The following NPTX1 variants were observed in gnomAD, a reference collection of about 807,000 sequenced individuals.
The protein encoded by NPTX1 is neuronal pentraxin-1.
A neutral mutation model predicts 38.7 loss-of-function variants in NPTX1; 12 were observed. The ratio of observed to expected loss-of-function variants is 0.31; its 90% CI spans 0.20 to 0.50. NPTX1 has a LOEUF of 0.50. NPTX1 is among the 20% of genes least tolerant of loss of function. The probability of loss-of-function intolerance (pLI) is 0.98; values close to 1 mark genes in which losing one functional copy is unlikely to be tolerated. For missense variants in NPTX1, 454 were observed against 592.2 expected (o/e 0.77, Z 2.42); for synonymous variants, 272 against 264.9 (o/e 1.03, Z -0.26).
rs2083884566 is a variant in NPTX1, at chr17:80,476,529, C to T, written c.-83G>A. ...CTGGGACCCGGCTCGGGCTGTGGCT[C>T]CGCGAGCGGCCCGCGCTCTGGGCGC... On this transcript the variant is annotated 5_prime_UTR_variant, in exon 1 of 5. Transcript: ENST00000306773. The surrounding 1 kb of genome is among the most constrained non-coding windows in gnomAD (Gnocchi z 6.3). The T allele has an allele frequency of 1.3e-6, 1 of 780,266 alleles. No homozygotes were observed. Among genetic ancestry groups the T allele is most frequent in the African/African-American group, 1.9e-5 (1 of 53,282 alleles). The allele number at this position is 780,266 out of a possible 1,614,324, so 48.3% of individuals were successfully genotyped here.
In NPTX1 at chr17:80,466,955, G is replaced by C. The variant is rs1227983419; in HGVS notation, c.*3858C>G. On this transcript the variant is annotated 3_prime_UTR_variant, in exon 5 of 5. Transcript: ENST00000306773. ...GAAATAGTGCATTTCCAGAATTGCT[G>C]ATGGGAGGTGGCAGGTCCCATGGTT... 6.6e-6 allele frequency among the ~76,000 whole-genome samples: 1 copy of C among 150,790 alleles called. No homozygotes were observed. The highest frequency in any genetic ancestry group is 1.5e-5 in the Non-Finnish European group (1 of 67,868).
At position 80,467,960 on chromosome 17, in the gene NPTX1, G is replaced by A. The variant is rs1249973618; in HGVS notation, c.*2853C>T. ...TTCTGTCAACAGCTCTCCCACCCCG[G>A]ACACCCAGGGAGCTGTCGGACACCA... On this transcript the variant is annotated 3_prime_UTR_variant, in exon 5 of 5. Coordinates refer to ENST00000306773, the MANE Select transcript of NPTX1 (RefSeq NM_002522.4). The A allele has an allele frequency of 1.3e-5, 2 of 152,612 alleles. No individual in the cohort carries two copies. The highest frequency in any genetic ancestry group is 2.4e-5 in the African/African-American group (1 of 41,454). The allele number at this position is 152,612 out of a possible 1,614,324, so 9.5% of individuals were successfully genotyped here. A position where few individuals can be genotyped will look rare whatever the true frequency, so the allele number is the denominator to read the frequency against.
Position 80,476,132 on chromosome 17 carries a change from G to A in NPTX1, c.315C>T (p.Gly105=), listed in dbSNP as rs752963609. The A allele has an allele frequency of 3.8e-6, 6 of 1,596,764 alleles. No individual in the cohort carries two copies. In the South Asian group the frequency reaches 5.5e-5, roughly 15 times the overall value. The change falls in exon 1 of 5, where the codon GGC becomes GGT. Residue 105 remains glycine (G), a synonymous_variant. Coordinates refer to ENST00000306773, the MANE Select transcript of NPTX1 (RefSeq NM_002522.4). This position sits in a 1 kb window ranked among gnomAD's most constrained non-coding sequence, Gnocchi z 6.3. The part of the protein sequence containing the change: ...LDPGAGEARA[G]GGRKQPGSGK... The stretch of plus-strand genomic sequence containing the variant: ...CCGAGCCGGGCTGCTTGCGGCCGCC[G>A]CCCGCCCGGGCCTCGCCGGCTCCGG...
rs2083835822 is a variant in NPTX1, at chr17:80,470,693, G to C, written c.*120C>G. 1.4e-6 allele frequency: 1 copy of C among 695,208 alleles called. No individual in the cohort carries two copies. Among genetic ancestry groups the C allele is most frequent in the Non-Finnish European group, 2.4e-6 (1 of 414,810 alleles). 43.1% of individuals were successfully genotyped at this position (695,208 alleles called of 1,614,324 possible). On this transcript the variant is annotated 3_prime_UTR_variant, in exon 5 of 5. Coordinates refer to ENST00000306773, the MANE Select transcript of NPTX1 (RefSeq NM_002522.4). ...AAAACCAGGCTGTGTGCGTGTGCGTGTGCAGGGGCGACGGCCTCGGTTCAT... is the reference window on the plus strand; with the variant it reads ...AAAACCAGGCTGTGTGCGTGTGCGTCTGCAGGGGCGACGGCCTCGGTTCAT...
Position 80,473,504 on chromosome 17 carries a change from T to C in NPTX1, c.653-60A>G. On this transcript the variant is annotated intron_variant, in intron 2 of 4. Transcript: ENST00000306773. ...GTGAAGTGCTTATCGGTGTCTGAGT[T>C]GAGTTCGGTCCCCACCAAGCTCTGT... 3 of 1,568,612 alleles carry C rather than the reference T, an allele frequency of 1.9e-6. No homozygotes were observed. The South Asian group carries it at 3.4e-5, about 18-fold the overall frequency.
At position 80,467,294 on chromosome 17, in the gene NPTX1, G is replaced by A. The variant is rs2083811774; in HGVS notation, c.*3519C>T. On this transcript the variant is annotated 3_prime_UTR_variant, in exon 5 of 5. Transcript: ENST00000306773. ...TTAGTTGAATAAATTTACACACTGTGTTTAAGAGATGAAACCACGACTTCG... is the reference window on the plus strand; with the variant it reads ...TTAGTTGAATAAATTTACACACTGTATTTAAGAGATGAAACCACGACTTCG... 1 of 152,444 alleles carries A rather than the reference G, an allele frequency of 6.6e-6. No individual in the cohort carries two copies. The highest frequency in any genetic ancestry group is 2.1e-4 in the South Asian group (1 of 4,824). 9.4% of individuals were successfully genotyped at this position (152,444 alleles called of 1,614,324 possible). A position where few individuals can be genotyped will look rare whatever the true frequency, so the allele number is the denominator to read the frequency against.
Position 80,476,198 on chromosome 17 carries a change from G to T in NPTX1, c.249C>A (p.Thr83=). The change falls in exon 1 of 5, where the codon ACC becomes ACA. Residue 83 remains threonine, a synonymous_variant. Coordinates refer to ENST00000306773, the MANE Select transcript of NPTX1 (RefSeq NM_002522.4). The surrounding 1 kb of genome is among the most constrained non-coding windows in gnomAD (Gnocchi z 6.3). The stretch of plus-strand genomic sequence containing the variant: ...GGCTCTCGCAGCGGCCCAGCTTGGC[G>T]GTCAGCTCGCGGATGGTCTCCTTCT... ...LSQKETIREL[T]AKLGRCESQS... is the part of the protein sequence containing the mutation. The T allele has an allele frequency of 6.3e-7, 1 of 1,577,020 alleles. No individual in the cohort carries two copies.
In NPTX1 at chr17:80,470,078, G is replaced by C. The variant is rs2083830566; in HGVS notation, c.*735C>G. On this transcript the variant is annotated 3_prime_UTR_variant, in exon 5 of 5. Coordinates refer to ENST00000306773, the MANE Select transcript of NPTX1 (RefSeq NM_002522.4). ...TGCTGCTCTCAGATGCAAACAGCAGGGATGGATGCTGTCTGGCCCTGGGGT... is the reference window on the plus strand; with the variant it reads ...TGCTGCTCTCAGATGCAAACAGCAGCGATGGATGCTGTCTGGCCCTGGGGT... 6.6e-6 allele frequency: 1 copy of C among 152,280 alleles called. No individual in the cohort carries two copies. The highest frequency in any genetic ancestry group is 1.5e-5 in the Non-Finnish European group (1 of 68,084). 9.4% of individuals were successfully genotyped at this position (152,280 alleles called of 1,614,324 possible). A position where few individuals can be genotyped will look rare whatever the true frequency, so the allele number is the denominator to read the frequency against.
At position 80,473,306 on chromosome 17, in the gene NPTX1, G is replaced by A. The variant is rs148347894; in HGVS notation, c.791C>T (p.Thr264Met). Reference protein sequence around the residue: ...TVCMWLKSSATPGVGTPFSYA... With the variant: ...TVCMWLKSSAMPGVGTPFSYA... ...GGAGAAGGGCGTGCCCACACCTGGC[G>A]TGGCGCTGGACTTGAGCCACATGCA... The change falls in exon 3 of 5, where the codon ACG (threonine) becomes ATG (methionine). Residue 264 changes from threonine (T) to methionine (M), a missense_variant. Thr to Met is a moderately conservative substitution (Grantham distance 81). Around this residue, in one of 4 missense-constraint regions of NPTX1, gnomAD observed 110 missense variants for 197.5 expected, o/e 0.56. Coordinates refer to ENST00000306773, the MANE Select transcript of NPTX1 (RefSeq NM_002522.4). The A allele has an allele frequency of 2.5e-5, 41 of 1,614,024 alleles. No individual in the cohort carries two copies. The highest frequency in any genetic ancestry group is 1.6e-4 in the Middle Eastern group (1 of 6,062).
In NPTX1 at chr17:80,475,438, T is replaced by TG; in HGVS notation, c.652+72_652+73insC. 2 of 1,099,670 alleles carry TG rather than the reference T, an allele frequency of 1.8e-6. No homozygotes were observed. The highest frequency in any genetic ancestry group is 2.8e-5 in the East Asian group (1 of 35,930). The allele number at this position is 1,099,670 out of a possible 1,614,324, so 68.1% of individuals were successfully genotyped here. A position where few individuals can be genotyped will look rare whatever the true frequency, so the allele number is the denominator to read the frequency against. ...CTTGCACAGTGCAGAGCTGGGCTGT[T>TG]AGGGATCGGGACCGAGGCAGGGTCG... On this transcript the variant is annotated intron_variant, in intron 2 of 4. Transcript: ENST00000306773. This position sits in a 1 kb window ranked among gnomAD's most constrained non-coding sequence, Gnocchi z 6.5.
Position 80,470,737 on chromosome 17 carries a change from GAA to G in NPTX1, c.*74_*75del, listed in dbSNP as rs2083836215. 9.6e-6 allele frequency: 10 copies of G among 1,038,458 alleles called. No individual in the cohort carries two copies. In the East Asian group the frequency reaches 2.4e-4, roughly 25 times the overall value. The allele number at this position is 1,038,458 out of a possible 1,614,324, so 64.3% of individuals were successfully genotyped here. ...GGTTCATTCCTGGGGAAAAGGGAGA[GAA>G]GAGACGCACAAAACAGATCATCGCC... On this transcript the variant is annotated 3_prime_UTR_variant, in exon 5 of 5. Coordinates refer to ENST00000306773, the MANE Select transcript of NPTX1 (RefSeq NM_002522.4).
chr17:80,476,366 C>A lies in NPTX1; in HGVS notation c.81G>T (p.Pro27=), dbSNP rs754879317. The A allele has an allele frequency of 2.2e-5, 33 of 1,524,884 alleles. No individual in the cohort carries two copies. The South Asian group carries it at 3.9e-4, about 18-fold the overall frequency. 94.5% of individuals were successfully genotyped at this position (1,524,884 alleles called of 1,614,324 possible). The change falls in exon 1 of 5, where the codon CCG becomes CCT. Residue 27 remains proline, a synonymous_variant. Coordinates refer to ENST00000306773, the MANE Select transcript of NPTX1 (RefSeq NM_002522.4). The surrounding 1 kb of genome is among the most constrained non-coding windows in gnomAD (Gnocchi z 6.3). ...LLGAGAQDFG[P]TRFICTSVPV... is the part of the protein sequence containing the mutation. ...GCACCGAGGTGCAGATGAAGCGCGT[C>A]GGCCCGAAATCCTGGGCCCCGGCGC...
At chr17:80,473,805 A>T in intron 2 of NPTX1, 1 of 297,730 alleles carries the variant, frequency 3.4e-6, no homozygotes, top group Non-Finnish European at 6.4e-6. Flanking sequence ...AGTCAACCCA[A>T]GGAGCAGGGG....
chr17:80,468,317 G>T lies in NPTX1; in HGVS notation c.*2496C>A. 6.5e-6 allele frequency: 1 copy of T among 153,026 alleles called. No homozygotes were observed. 9.5% of individuals were successfully genotyped at this position (153,026 alleles called of 1,614,324 possible). On this transcript the variant is annotated 3_prime_UTR_variant, in exon 5 of 5. Transcript: ENST00000306773. ...AGGTGAGCGGGCCAGGAGGCTGCAG[G>T]GGTGGAGGCGTAAGCACTGGGGTGT...
At chr17:80,471,437 C>A (rs979756873) in intron 4 of NPTX1, among the ~76,000 whole-genome samples, 1 of 152,242 alleles carries the variant, frequency 6.6e-6, no homozygotes. Context: ...AGGTGCCCAA[C>A]AGGAGACAAA....
chr17:80,470,870 G>A lies in NPTX1; in HGVS notation c.1242C>T (p.Ile414=), dbSNP rs146777310. Reference sequence around the variant, plus strand: ...ACTTGGTGGCCCCTCCGTAGATCTCGATGTGGGATTCAGCCCAGGCGATGA... The same window carrying A: ...ACTTGGTGGCCCCTCCGTAGATCTCAATGTGGGATTCAGCCCAGGCGATGA... The part of the protein sequence containing the change: ...GNVIAWAESH[I]EIYGGATKWT... Residue 414 remains isoleucine (I), a synonymous_variant, in exon 5 of 5, where the codon ATC becomes ATT. Coordinates refer to ENST00000306773, the MANE Select transcript of NPTX1 (RefSeq NM_002522.4). 6.8e-6 allele frequency: 11 copies of A among 1,609,916 alleles called. 1 individual carries two copies. Among genetic ancestry groups the A allele is most frequent in the East Asian group, 4.5e-5 (2 of 44,760 alleles).
At chr17:80,474,810 C>G (rs1439018569) in intron 2 of NPTX1, 3 of 145,076 alleles carry the variant, frequency 2.1e-5, no homozygotes, top group Admixed American at 1.4e-4. Context: ...ACCCCCCCCC[C>G]TCCCCTTTTA....
Position 80,470,986 on chromosome 17 carries a change from G to C in NPTX1, c.1126C>G (p.Leu376Val). Residue 376 changes from leucine (L) to valine (V), a missense_variant, in exon 5 of 5, where the codon CTG becomes GTG. This residue lies in a region of NPTX1 where 110 missense variants were observed against 197.5 expected (regional missense o/e 0.56). Transcript: ENST00000306773. ...CGGTCCCAGATGTTGAAGTGGGCCA[G>C]CTCACCCACAAATGCCTGGGTGGCA... ...FDATQAFVGELAHFNIWDRKL... is the reference protein window; with the variant it reads ...FDATQAFVGEVAHFNIWDRKL... 6.2e-7 allele frequency: 1 copy of C among 1,613,130 alleles called. No homozygotes were observed.
rs777221947 is a variant in NPTX1 at position 80,476,396 on chromosome 17, G to A, written c.51C>T (p.Leu17=). The A allele has an allele frequency of 1.5e-4, 230 of 1,512,380 alleles. No homozygotes were observed. In the African/African-American group the frequency reaches 2.8e-3, roughly 18 times the overall value. 93.7% of individuals were successfully genotyped at this position (1,512,380 alleles called of 1,614,324 possible). The change falls in exon 1 of 5, where the codon CTC becomes CTT. Residue 17 remains leucine, a synonymous_variant. Coordinates refer to ENST00000306773, the MANE Select transcript of NPTX1 (RefSeq NM_002522.4). The surrounding 1 kb of genome is among the most constrained non-coding windows in gnomAD (Gnocchi z 6.3). ...ARTCALLALC[L]LGAGAQDFGP... ...CGAAATCCTGGGCCCCGGCGCCCAG[G>A]AGGCAGAGGGCGAGCAGCGCACAGG...
Sources: allele counts gnomAD v4.1 joint callset (sites outside exome capture counted in the v4.1 genomes callset), GRCh38; gene constraint gnomAD v4.1.1; regional missense constraint gnomAD v4.1.1; non-coding constraint Gnocchi (gnomAD v3.1); transcripts MANE v1.5; gene names NCBI Gene and HGNC (gene_info 2026-07-23, HGNC 2026-07-21).